The following STAB2 variants were observed in gnomAD, a reference collection of about 807,000 sequenced individuals.
The protein encoded by STAB2 is stabilin-2.
Under a neutral mutation model 338.1 loss-of-function variants are expected in STAB2, and 288 were observed. The ratio of observed to expected loss-of-function variants is 0.85; its 90% confidence interval spans 0.77 to 0.94. The LOEUF (loss-of-function observed/expected upper bound fraction) is 0.94, where lower values mean the gene tolerates loss of function less well. Among genes scored for constraint, STAB2 ranks in the 40% least tolerant of loss-of-function variants. STAB2 has a pLI of 0.00. For synonymous variants in STAB2, 1,202 were observed against 1,193.3 expected (o/e 1.01, Z -0.15); for missense variants, 3,141 against 3,210.1 (o/e 0.98, Z 0.52).
intron 3 of STAB2, among the ~76,000 whole-genome samples, 188 bp from the exon 4 acceptor site, chr12:103,620,280 C>T (rs1319308064): frequency 1.3e-5 from 2 of 152,090 alleles, no homozygotes; most frequent in Non-Finnish European, 2.9e-5. Context: ...TAATACAGCA[C>T]ATGACCACAT....
At chr12:103,703,897 T>C in intron 35 of STAB2, among the ~76,000 whole-genome samples, 1 of 152,352 alleles carries the variant, frequency 6.6e-6, no homozygotes, top group East Asian at 1.9e-4. Flanking sequence ...AAGTAGGTAC[T>C]ATTACTATCC....
chr12:103,614,498 C>T (rs1357912777), intron 3 of STAB2, among the ~76,000 whole-genome samples: 1 of 152,216 alleles, frequency 6.6e-6, no homozygotes, highest in Non-Finnish European at 1.5e-5. Flanking sequence ...GGCTTTAAGT[C>T]AGTGTACAAA....
intron 32 of STAB2, 30 bp downstream of exon 32, chr12:103,695,678 A>G (rs751936162): frequency 2.5e-6 from 4 of 1,613,722 alleles, no homozygotes; most frequent in Non-Finnish European, 3.4e-6. Flanking sequence ...CCTGACCACC[A>G]TGCTCAGGTT....
At chr12:103,662,607 C>T (rs1261440890) in intron 17 of STAB2, among the ~76,000 whole-genome samples, 1 of 151,918 alleles carries the variant, frequency 6.6e-6, no homozygotes, top group Non-Finnish European at 1.5e-5. Context: ...TAGCCCTGCA[C>T]CTGCAAGAAC....
Position 103,677,643 on chromosome 12 carries a change from G to A in STAB2, c.2805+32G>A, listed in dbSNP as rs777892204. ...TGGATGTCATGAGAGCAAAGAGAAA[G>A]CAGGAATCCTGCAGTGACTTTGCTT... On this transcript the variant is annotated intron_variant, in intron 25 of 68. Transcript: ENST00000388887. 2.5e-6 allele frequency: 4 copies of A among 1,593,076 alleles called. No homozygotes were observed. In the Admixed American group the frequency reaches 5.0e-5, roughly 20 times the overall value.
At chr12:103,639,985 A>C in intron 8 of STAB2, 138 bp from the exon 9 acceptor site, 2 of 1,016,694 alleles carry the variant, frequency 2.0e-6, no homozygotes, top group Non-Finnish European at 2.7e-6. Context: ...TACTTTGACA[A>C]ATTTTTAGTT....
Position 103,730,136 on chromosome 12 carries a change from T to G in STAB2, c.5103T>G (p.Asn1701Lys), listed in dbSNP as rs761915656. The change falls in exon 49 of 69, where the codon AAT becomes AAG. Residue 1701 changes from asparagine to lysine, a missense_variant. Physicochemically the swap from Asn to Lys is moderately conservative, Grantham distance 94. Transcript: ENST00000388887. ...TTCAGAGCACGGTGTATATAAACAA[T>G]AAGGCTAAGATCATATCCAGTGATA... ...SVSQSTVYIN[N>K]KAKIISSDII... The G allele has an allele frequency of 6.2e-7, 1 of 1,604,046 alleles. No individual in the cohort carries two copies. Among genetic ancestry groups the G allele is most frequent in the Non-Finnish European group, 8.5e-7 (1 of 1,176,220 alleles).
rs945727587 is a variant in STAB2 at position 103,631,673 on chromosome 12, C to A, written c.563C>A (p.Thr188Asn). ...ACCTGTGAGTGCTACTCTGCGTACA[C>A]TGGCCCCAAGTGTGACAAGCGTAAG... ...DGTCECYSAYTGPKCDKPIPE... is the reference protein window; with the variant it reads ...DGTCECYSAYNGPKCDKPIPE... The change falls in exon 6 of 69, where the codon ACT becomes AAT. Residue 188 changes from threonine to asparagine, a missense_variant. By Grantham distance (65) the Thr-to-Asn change is moderately conservative. Coordinates refer to ENST00000388887, the MANE Select transcript of STAB2 (RefSeq NM_017564.10). 7 of 1,614,218 alleles carry A rather than the reference C, an allele frequency of 4.3e-6. No homozygotes were observed. The highest frequency in any genetic ancestry group is 5.9e-6 in the Non-Finnish European group (7 of 1,180,030).
At chr12:103,606,403 A>G (rs574183993) in intron 3 of STAB2, among the ~76,000 whole-genome samples, 21 of 152,316 alleles carry the variant, frequency 1.4e-4, no homozygotes, top group African/African-American at 4.6e-4. Flanking sequence ...TTGGAAAAAT[A>G]TATTTTACAT....
chr12:103,594,594 AAAG>A (rs1956849307), intron 3 of STAB2, 84 bp downstream of exon 3: 4 of 1,079,538 alleles, frequency 3.7e-6, no homozygotes, highest in Admixed American at 3.5e-5. Context: ...AGCCCAATAA[AAAG>A]AAGAATGTTA....
In STAB2 at chr12:103,763,524, C is replaced by A. The variant is rs1328883386; in HGVS notation, c.7521C>A (p.Gly2507=). 4 of 1,614,066 alleles carry A rather than the reference C, an allele frequency of 2.5e-6. No individual in the cohort carries two copies. The highest frequency in any genetic ancestry group is 3.4e-6 in the Non-Finnish European group (4 of 1,179,998). Residue 2507 remains glycine (G), a synonymous_variant, in exon 68 of 69, where the codon GGC becomes GGA. Transcript: ENST00000388887. ...AGGACATTAATGTTGCAGCTCTTGGCAAGCAGCAGCCTGAGAATATCTCGA... is the reference window on the plus strand; with the variant it reads ...AGGACATTAATGTTGCAGCTCTTGGAAAGCAGCAGCCTGAGAATATCTCGA... ...SEEDINVAAL[G]KQQPENISNP...
Position 103,740,612 on chromosome 12 carries a change from T to A in STAB2, c.5755-18T>A. ...CCTGCAGTGGTAAGTGAAGGGATGG[T>A]CCACTCTCTTCCCTTAGGGTGTGAA... On this transcript the variant is annotated intron_variant, in intron 54 of 68. Coordinates refer to ENST00000388887, the MANE Select transcript of STAB2 (RefSeq NM_017564.10). 1 of 1,609,988 alleles carries A rather than the reference T, an allele frequency of 6.2e-7. No homozygotes were observed. The highest frequency in any genetic ancestry group is 8.5e-7 in the Non-Finnish European group (1 of 1,178,320).
intron 64 of STAB2, among the ~76,000 whole-genome samples, chr12:103,758,574 G>A (rs538002456): frequency 1.1e-4 from 17 of 152,296 alleles, no homozygotes; most frequent in South Asian, 6.2e-4. Flanking sequence ...TGAGAGAGGC[G>A]AGAGTAGGCC....
chr12:103,607,869 CA>C (rs1307612011), intron 3 of STAB2, among the ~76,000 whole-genome samples: 2 of 152,090 alleles, frequency 1.3e-5, no homozygotes, highest in East Asian at 3.8e-4. Context: ...GTCTTTATAG[CA>C]GCATGATTTA....
intron 44 of STAB2, among the ~76,000 whole-genome samples, chr12:103,721,175 C>T (rs543815888): frequency 1.2e-4 from 18 of 152,266 alleles, no homozygotes; most frequent in Middle Eastern, 3.4e-3. Context: ...TAGACTAGAG[C>T]AGGAGGCAAA....
intron 44 of STAB2, among the ~76,000 whole-genome samples, chr12:103,724,240 G>T (rs978281192): frequency 1.3e-5 from 2 of 152,246 alleles, no homozygotes; most frequent in African/African-American, 2.4e-5. Context: ...CACCAGTGTG[G>T]AGGTAGTGGA....
intron 60 of STAB2, among the ~76,000 whole-genome samples, chr12:103,752,659 G>A (rs1398889321): frequency 5.3e-5 from 8 of 152,266 alleles, no homozygotes; most frequent in Admixed American, 2.6e-4. Flanking sequence ...GTTTTTTATA[G>A]CTGTAAAGGT....
intron 33 of STAB2, 91 bp from the exon 34 acceptor site, chr12:103,699,005 T>C: frequency 9.5e-6 from 14 of 1,471,090 alleles, no homozygotes; most frequent in African/African-American, 1.4e-5. Flanking sequence ...GTTGTTCCTC[T>C]TTGTAATCTC....
intron 64 of STAB2, among the ~76,000 whole-genome samples, 173 bp from the exon 65 acceptor site, chr12:103,758,960 G>A (rs939031341): frequency 1.3e-5 from 2 of 152,126 alleles, no homozygotes; most frequent in African/African-American, 4.8e-5. Flanking sequence ...GGTGGCCTCT[G>A]GCAGAGCCCA....
Sources: allele counts gnomAD v4.1 joint callset (sites outside exome capture counted in the v4.1 genomes callset), GRCh38; gene constraint gnomAD v4.1.1; transcripts MANE v1.5; gene names NCBI Gene and HGNC (gene_info 2026-07-23, HGNC 2026-07-21).